Variants in AGBL4 observed in about 807,000 individuals in gnomAD.
AGBL4 encodes AGBL carboxypeptidase 4, also known as cytosolic carboxypeptidase 6.
AGBL4 carries 58 observed loss-of-function variants against 66.4 expected under a neutral mutation model. That is an observed-to-expected ratio of 0.87 (90% confidence interval 0.71 to 1.09). The LOEUF (loss-of-function observed/expected upper bound fraction) is 1.09. Ranked by LOEUF, AGBL4 falls within the 50% of genes least tolerant of loss-of-function variation. The pLI is 0.00. For synonymous variants in AGBL4, 234 were observed against 222.9 expected (o/e 1.05, Z -0.44); for missense variants, 579 against 631.0 (o/e 0.92, Z 0.88).
intron 5 of AGBL4, chr1:49,025,709 C>A (rs1162123848): frequency 6.6e-6 from 1 of 152,122 alleles, no homozygotes; most frequent in African/African-American, 2.4e-5. Flanking sequence ...ACTTCTGCAC[C>A]TGCCTCAGTC....
intron 3 of AGBL4, among the ~76,000 whole-genome samples, chr1:49,457,937 C>T (rs77073646): frequency 6.6e-6 from 1 of 151,668 alleles, no homozygotes; most frequent in Non-Finnish European, 1.5e-5. Flanking sequence ...TTTTATACCT[C>T]TACCATGCTG....
chr1:49,092,121 C>T (rs1645013717), intron 4 of AGBL4, among the ~76,000 whole-genome samples: 1 of 152,036 alleles, frequency 6.6e-6, no homozygotes, highest in South Asian at 2.1e-4. Flanking sequence ...ACCAAACCCC[C>T]ACAACACGCA....
At chr1:49,828,205 A>G (rs568739004) in intron 2 of AGBL4, among the ~76,000 whole-genome samples, 29 of 152,328 alleles carry the variant, frequency 1.9e-4, no homozygotes. Flanking sequence ...CATTTAACAA[A>G]TAATTATTGA....
intron 5 of AGBL4, among the ~76,000 whole-genome samples, chr1:49,009,209 C>T (rs1020238281): frequency 1.7e-4 from 26 of 151,888 alleles, no homozygotes; most frequent in Admixed American, 4.6e-4. Flanking sequence ...ACCACTGATC[C>T]CACAGAAATA....
intron 2 of AGBL4, among the ~76,000 whole-genome samples, chr1:49,817,893 T>C (rs756344926): frequency 1.5e-4 from 23 of 152,204 alleles, no homozygotes; most frequent in Non-Finnish European, 3.2e-4. Flanking sequence ...ACATGCTTTT[T>C]CCGGGTTTGA....
chr1:49,748,164 G>A (rs549921673), intron 2 of AGBL4, among the ~76,000 whole-genome samples: 3 of 151,630 alleles, frequency 2.0e-5, no homozygotes, highest in South Asian at 4.2e-4. Flanking sequence ...CTCCCCTTGC[G>A]CCCCACCCCC....
At chr1:48,682,864 T>C (rs1054650861) in intron 6 of AGBL4, among the ~76,000 whole-genome samples, 3 of 152,218 alleles carry the variant, frequency 2.0e-5, no homozygotes, top group Admixed American at 1.3e-4. Context: ...ACAACCCTTG[T>C]CTGCCTCATT....
chr1:49,068,278 C>T (rs1380455399), intron 4 of AGBL4, among the ~76,000 whole-genome samples: 1 of 150,072 alleles, frequency 6.7e-6, no homozygotes, highest in Non-Finnish European at 1.5e-5. Context: ...ATGTGCACAA[C>T]GTGCAGGTTT....
chr1:49,804,052 G>A (rs1644922489), intron 2 of AGBL4, among the ~76,000 whole-genome samples: 1 of 152,186 alleles, frequency 6.6e-6, no homozygotes, highest in East Asian at 1.9e-4. Flanking sequence ...AACCTTACCT[G>A]GTTGGAATTT....
chr1:49,005,200 C>T (rs561246641), intron 5 of AGBL4, among the ~76,000 whole-genome samples: 44 of 152,326 alleles, frequency 2.9e-4, no homozygotes, highest in South Asian at 8.3e-4. Context: ...TCACATTCAA[C>T]TCTGAATTCC....
At chr1:48,634,288 C>T (rs1279593288) in intron 9 of AGBL4, 3 of 432,258 alleles carry the variant, frequency 6.9e-6, no homozygotes, top group Non-Finnish European at 1.3e-5. Context: ...AAAACTGAAT[C>T]CACTATTTGT....
At chr1:48,981,534 T>G (rs547046139) in intron 5 of AGBL4, among the ~76,000 whole-genome samples, 1 of 152,206 alleles carries the variant, frequency 6.6e-6, no homozygotes, top group East Asian at 1.9e-4. Flanking sequence ...TCTGACTACA[T>G]GAGAAGACAA....
intron 6 of AGBL4, among the ~76,000 whole-genome samples, chr1:48,799,468 G>A (rs1275597426): frequency 6.6e-6 from 1 of 152,082 alleles, no homozygotes; most frequent in Non-Finnish European, 1.5e-5. Context: ...CCTCTTTACT[G>A]ATTTGGATGC....
chr1:49,381,788 T>C (rs933662657), intron 3 of AGBL4, among the ~76,000 whole-genome samples: 8 of 143,278 alleles, frequency 5.6e-5, no homozygotes, highest in Non-Finnish European at 1.0e-4. Flanking sequence ...TAGGTGGGAA[T>C]TGAACAATGA....
At chr1:49,719,909 T>C (rs2124683545) in intron 2 of AGBL4, among the ~76,000 whole-genome samples, 1 of 152,208 alleles carries the variant, frequency 6.6e-6, no homozygotes. Context: ...ATGTGTTTGC[T>C]TCCCCTTCCA....
At chr1:48,933,253 T>C (rs1453819766) in intron 5 of AGBL4, among the ~76,000 whole-genome samples, 2 of 152,214 alleles carry the variant, frequency 1.3e-5, no homozygotes, top group African/African-American at 4.8e-5. Context: ...ATTTATCATA[T>C]GGTAGATGTT....
chr1:48,961,570 C>T (rs546406965), intron 5 of AGBL4, among the ~76,000 whole-genome samples: 9 of 152,254 alleles, frequency 5.9e-5, no homozygotes, highest in Non-Finnish European at 8.8e-5. Context: ...TTCTAGGAAG[C>T]GGGAAGGTTG....
At chr1:49,756,826 C>T (rs1009954186) in intron 2 of AGBL4, among the ~76,000 whole-genome samples, 2 of 152,024 alleles carry the variant, frequency 1.3e-5, no homozygotes, top group Non-Finnish European at 2.9e-5. Flanking sequence ...GAGGCCTCCC[C>T]AGCCATGCAG....
chr1:48,783,594 C>T (rs1645346143), intron 6 of AGBL4, among the ~76,000 whole-genome samples: 2 of 152,154 alleles, frequency 1.3e-5, no homozygotes, highest in Non-Finnish European at 2.9e-5. Flanking sequence ...CAAGACAATT[C>T]ACCTCCATGA....
Sources: allele counts gnomAD v4.1 joint callset (sites outside exome capture counted in the v4.1 genomes callset), GRCh38; gene constraint gnomAD v4.1.1; transcripts MANE v1.5; gene names NCBI Gene and HGNC (gene_info 2026-07-23, HGNC 2026-07-21).